Variants in RSC1A1 observed in about 807,000 individuals in gnomAD.
RSC1A1 encodes regulatory solute carrier protein family 1 member 1.
RSC1A1 carries 6 observed loss-of-function variants against 7.7 expected under a neutral mutation model. That is an observed-to-expected ratio of 0.78 (90% CI 0.43 to 1.53). RSC1A1 has a LOEUF of 1.53. Among genes scored for constraint, RSC1A1 ranks in the 40% most tolerant of loss-of-function variants. The pLI is 0.01. For missense variants in RSC1A1, 729 were observed against 726.3 expected (o/e 1.00, Z -0.04); for synonymous variants, 250 against 263.0 (o/e 0.95, Z 0.48).
chr1:15,661,880 C>G lies in RSC1A1; in HGVS notation c.*158C>G. 9.4e-7 allele frequency: 1 copy of G among 1,065,620 alleles called. No homozygotes were observed. Among genetic ancestry groups the G allele is most frequent in the East Asian group, 2.9e-5 (1 of 34,962 alleles). 66.0% of individuals were successfully genotyped at this position (1,065,620 alleles called of 1,614,324 possible). On this transcript the variant is annotated 3_prime_UTR_variant, in exon 1 of 1. Coordinates refer to ENST00000345034, the MANE Select transcript of RSC1A1 (RefSeq NM_006511.3). Reference sequence around the variant, plus strand: ...ATTTTTTTTAAAGATTTTTTTCGGCCAAAGTAATTTATGATCTTTTGTCTG... The same window carrying G: ...ATTTTTTTTAAAGATTTTTTTCGGCGAAAGTAATTTATGATCTTTTGTCTG...
In RSC1A1 at chr1:15,660,776, A is replaced by T. The variant is rs372153137; in HGVS notation, c.908A>T (p.Asp303Val). The T allele has an allele frequency of 6.2e-7, 1 of 1,613,820 alleles. No individual in the cohort carries two copies. Among genetic ancestry groups the T allele is most frequent in the African/African-American group, 1.3e-5 (1 of 74,898 alleles). Residue 303 changes from aspartate to valine, a missense_variant, in exon 1 of 1, where the codon GAT becomes GTT. Physicochemically the swap from Asp to Val is radical, Grantham distance 152. Transcript: ENST00000345034. Reference protein sequence around the residue: ...KCNPSSEILNDSISTQDLQPP... With the variant: ...KCNPSSEILNVSISTQDLQPP... ...AACCCTTCATCTGAAATTTTGAATG[A>T]TTCCATTTCCACTCAGGATTTACAG...
chr1:15,661,266 C>T lies in RSC1A1; in HGVS notation c.1398C>T (p.Ser466=). ...DKEGVPKSRE[S]INKNRSVTVT... Reference sequence around the variant, plus strand: ...AAGGTGTCCCCAAATCTAGGGAATCCATAAATAAGAACCGTTCTGTCACTG... The same window carrying T: ...AAGGTGTCCCCAAATCTAGGGAATCTATAAATAAGAACCGTTCTGTCACTG... The change falls in exon 1 of 1, where the codon TCC becomes TCT. Residue 466 remains serine (S), a synonymous_variant. Transcript: ENST00000345034. The T allele has an allele frequency of 6.2e-7, 1 of 1,614,158 alleles. No homozygotes were observed. Among genetic ancestry groups the T allele is most frequent in the Non-Finnish European group, 8.5e-7 (1 of 1,180,016 alleles).
chr1:15,661,536 T>C lies in RSC1A1; in HGVS notation c.1668T>C (p.Pro556=), dbSNP rs1570996134. The change falls in exon 1 of 1, where the codon CCT becomes CCC. Residue 556 remains proline, a synonymous_variant. Coordinates refer to ENST00000345034, the MANE Select transcript of RSC1A1 (RefSeq NM_006511.3). ...ASRPLLEYEP[P]TSHPSSSPAI... Reference sequence around the variant, plus strand: ...GGCCATTACTTGAATATGAACCACCTACCAGCCATCCATCATCAAGTCCTG... The same window carrying C: ...GGCCATTACTTGAATATGAACCACCCACCAGCCATCCATCATCAAGTCCTG... The C allele has an allele frequency of 6.2e-7, 1 of 1,614,178 alleles. No homozygotes were observed. The highest frequency in any genetic ancestry group is 1.7e-5 in the Admixed American group (1 of 60,022).
the RSC1A1 span, chr1:15,660,659 C>A: frequency 6.2e-7 from 1 of 1,614,188 alleles, no homozygotes; most frequent in Non-Finnish European, 8.5e-7. Context: ...TTGCTTAATT[C>A]AACAGGCAGG....
Position 15,660,126 on chromosome 1 carries a change from T to A in RSC1A1, c.258T>A (p.His86Gln). 1 of 1,614,224 alleles carries A rather than the reference T, an allele frequency of 6.2e-7. No homozygotes were observed. Among genetic ancestry groups the A allele is most frequent in the South Asian group, 1.1e-5 (1 of 91,086 alleles). The change falls in exon 1 of 1, where the codon CAT (histidine) becomes CAA (glutamine). Residue 86 changes from histidine (H) to glutamine (Q), a missense_variant. Coordinates refer to ENST00000345034, the MANE Select transcript of RSC1A1 (RefSeq NM_006511.3). Reference protein sequence around the residue: ...DLSDHASSADHAPTDQSPAMP... With the variant: ...DLSDHASSADQAPTDQSPAMP... ...CTGATCATGCTTCCTCAGCAGACCA[T>A]GCTCCAACAGACCAGAGTCCAGCTA...
chr1:15,659,907 C>T lies in RSC1A1; in HGVS notation c.39C>T (p.Pro13=), dbSNP rs140251091. The change falls in exon 1 of 1, where the codon CCC becomes CCT. Residue 13 remains proline (P), a synonymous_variant. Transcript: ENST00000345034. ...SLPTSDGFNH[P]ARSSGQSPDV... is the part of the protein sequence containing the mutation. ...CAACTTCAGATGGGTTTAACCATCC[C>T]GCCCGTTCTTCAGGACAGAGTCCTG... 1.5e-5 allele frequency: 24 copies of T among 1,604,268 alleles called. No homozygotes were observed. Among genetic ancestry groups the T allele is most frequent in the South Asian group, 2.2e-5 (2 of 89,076 alleles).
chr1:15,660,223 C>T, the RSC1A1 span: 1 of 1,614,150 alleles, frequency 6.2e-7, no homozygotes, highest in Non-Finnish European at 8.5e-7. Flanking sequence ...AAGAAGCACC[C>T]AGGGCCTCAA....
Position 15,660,890 on chromosome 1 carries a change from C to T in RSC1A1, c.1022C>T (p.Ser341Phe), listed in dbSNP as rs780469308. Residue 341 changes from serine to phenylalanine, a missense_variant, in exon 1 of 1, where the codon TCT (serine) becomes TTT (phenylalanine). Transcript: ENST00000345034. The stretch of plus-strand genomic sequence containing the variant: ...AGTCTCTGTGGCAGTTGTCAGCCTT[C>T]TGTGGAGTCAGCAGAAGAATCTTGC... ...SPSLCGSCQP[S>F]VESAEESCPS... 1 of 1,614,104 alleles carries T rather than the reference C, an allele frequency of 6.2e-7. No individual in the cohort carries two copies. Among genetic ancestry groups the T allele is most frequent in the South Asian group, 1.1e-5 (1 of 91,062 alleles).
rs1469387123 is a variant in RSC1A1, at chr1:15,659,814, C to T, written c.-55C>T. On this transcript the variant is annotated 5_prime_UTR_variant, in exon 1 of 1. Transcript: ENST00000345034. ...TAGTCACCTGCTAATTAATCTTTTT[C>T]CTTTCCCCTGTGTTCCATATAGAGA... 6 of 1,486,232 alleles carry T rather than the reference C, an allele frequency of 4.0e-6. No individual in the cohort carries two copies. In the Admixed American group the frequency reaches 1.2e-4, roughly 31 times the overall value. The allele number at this position is 1,486,232 out of a possible 1,614,324, so 92.1% of individuals were successfully genotyped here. A position where few individuals can be genotyped will look rare whatever the true frequency, so the allele number is the denominator to read the frequency against.
At position 15,661,690 on chromosome 1, in the gene RSC1A1, T is replaced by C; in HGVS notation, c.1822T>C (p.Leu608=). ...GGNADLALLV[L]LAKNIVVPT ...GAATGCAGACCTTGCACTTCTTGTT[T>C]TGCTCGCAAAAAACATCGTAGTTCC... Residue 608 remains leucine (L), a synonymous_variant, in exon 1 of 1, where the codon TTG becomes CTG. Transcript: ENST00000345034. The C allele has an allele frequency of 6.2e-7, 1 of 1,611,500 alleles. No individual in the cohort carries two copies. Among genetic ancestry groups the C allele is most frequent in the Non-Finnish European group, 8.5e-7 (1 of 1,178,716 alleles).
chr1:15,661,531 C>G lies in RSC1A1; in HGVS notation c.1663C>G (p.Pro555Ala). The G allele has an allele frequency of 1.2e-6, 2 of 1,614,108 alleles. No homozygotes were observed. The highest frequency in any genetic ancestry group is 1.7e-6 in the Non-Finnish European group (2 of 1,180,018). ...TTCGAGGCCATTACTTGAATATGAA[C>G]CACCTACCAGCCATCCATCATCAAG... The part of the protein sequence containing the change: ...DASRPLLEYE[P>A]PTSHPSSSPA... Residue 555 changes from proline (P) to alanine (A), a missense_variant, in exon 1 of 1, where the codon CCA becomes GCA. Coordinates refer to ENST00000345034, the MANE Select transcript of RSC1A1 (RefSeq NM_006511.3).
chr1:15,660,279 T>C lies in RSC1A1; in HGVS notation c.411T>C (p.Ser137=). 6.2e-7 allele frequency: 1 copy of C among 1,614,200 alleles called. No individual in the cohort carries two copies. Among genetic ancestry groups the C allele is most frequent in the Non-Finnish European group, 8.5e-7 (1 of 1,180,030 alleles). The change falls in exon 1 of 1, where the codon TCT becomes TCC. Residue 137 remains serine (S), a synonymous_variant. Coordinates refer to ENST00000345034, the MANE Select transcript of RSC1A1 (RefSeq NM_006511.3). ...TRQEASLSVT[S]TRMHEPQMFL... ...AGGAAGCTAGTTTATCTGTCACATC[T>C]ACTAGGATGCATGAACCACAGATGT...
rs549030185 is a variant in RSC1A1, at chr1:15,661,775, T to G, written c.*53T>G. 3 of 1,535,830 alleles carry G rather than the reference T, an allele frequency of 2.0e-6. No individual in the cohort carries two copies. The highest frequency in any genetic ancestry group is 2.3e-5 in the East Asian group (1 of 44,086). ...CCATTCCCTTTAAACAAAAGAAAGCTCTCTCTATATACACGCACACATACA... is the reference window on the plus strand; with the variant it reads ...CCATTCCCTTTAAACAAAAGAAAGCGCTCTCTATATACACGCACACATACA... On this transcript the variant is annotated 3_prime_UTR_variant, in exon 1 of 1. Coordinates refer to ENST00000345034, the MANE Select transcript of RSC1A1 (RefSeq NM_006511.3).
chr1:15,660,405 A>G lies in RSC1A1; in HGVS notation c.537A>G (p.Ala179=). The G allele has an allele frequency of 6.2e-7, 1 of 1,614,004 alleles. No individual in the cohort carries two copies. The highest frequency in any genetic ancestry group is 8.5e-7 in the Non-Finnish European group (1 of 1,180,000). The change falls in exon 1 of 1, where the codon GCA becomes GCG. Residue 179 remains alanine (A), a synonymous_variant. Coordinates refer to ENST00000345034, the MANE Select transcript of RSC1A1 (RefSeq NM_006511.3). ...CAGGGAATGAACAGTATGAGGTTGC[A>G]CAACAAAAAGCTTCACATGACCAAG... The part of the protein sequence containing the change: ...EEPGNEQYEV[A]QQKASHDQEY...
At position 15,661,470 on chromosome 1, in the gene RSC1A1, C is replaced by G. The variant is rs762096525; in HGVS notation, c.1602C>G (p.Asp534Glu). Residue 534 changes from aspartate (D) to glutamate (E), a missense_variant, in exon 1 of 1, where the codon GAC becomes GAG. Asp to Glu is a conservative substitution (Grantham distance 45, BLOSUM62 2). Coordinates refer to ENST00000345034, the MANE Select transcript of RSC1A1 (RefSeq NM_006511.3). ...AGGGCATACAGAATTCAGTAACAGACAGGCCTGAAACCAGAGAAAATGTCT... is the reference window on the plus strand; with the variant it reads ...AGGGCATACAGAATTCAGTAACAGAGAGGCCTGAAACCAGAGAAAATGTCT... ...LGQGIQNSVT[D>E]RPETRENVCP... is the part of the protein sequence containing the mutation. 2 of 1,613,754 alleles carry G rather than the reference C, an allele frequency of 1.2e-6. No individual in the cohort carries two copies. The highest frequency in any genetic ancestry group is 4.5e-5 in the East Asian group (2 of 44,898).
In RSC1A1 at chr1:15,660,093, A is replaced by G. The variant is rs781147561; in HGVS notation, c.225A>G (p.Gln75=). ...NSEKKEHLSL[Q]DLSDHASSAD... ...AAAAGAAAGAACATCTTTCTTTACA[A>G]GATCTTTCTGATCATGCTTCCTCAG... The change falls in exon 1 of 1, where the codon CAA becomes CAG. Residue 75 remains glutamine (Q), a synonymous_variant. Transcript: ENST00000345034. 2 of 1,614,096 alleles carry G rather than the reference A, an allele frequency of 1.2e-6. No homozygotes were observed. The highest frequency in any genetic ancestry group is 8.5e-7 in the Non-Finnish European group (1 of 1,180,006).
At position 15,659,836 on chromosome 1, in the gene RSC1A1, G is replaced by C; in HGVS notation, c.-33G>C. 1.3e-6 allele frequency: 2 copies of C among 1,526,394 alleles called. No homozygotes were observed. Among genetic ancestry groups the C allele is most frequent in the Non-Finnish European group, 1.7e-6 (2 of 1,143,850 alleles). 94.6% of individuals were successfully genotyped at this position (1,526,394 alleles called of 1,614,324 possible). On this transcript the variant is annotated 5_prime_UTR_variant, in exon 1 of 1. Coordinates refer to ENST00000345034, the MANE Select transcript of RSC1A1 (RefSeq NM_006511.3). ...TTTCCTTTCCCCTGTGTTCCATATA[G>C]AGAAAAGTGGTAAAGAATCTACCTC... is the stretch of plus-strand genomic sequence containing the variant.
chr1:15,660,133 A>G lies in RSC1A1; in HGVS notation c.265A>G (p.Thr89Ala), dbSNP rs761444698. Residue 89 changes from threonine to alanine, a missense_variant, in exon 1 of 1, where the codon ACA becomes GCA. Coordinates refer to ENST00000345034, the MANE Select transcript of RSC1A1 (RefSeq NM_006511.3). ...TGCTTCCTCAGCAGACCATGCTCCA[A>G]CAGACCAGAGTCCAGCTATGCCTAT... ...DHASSADHAP[T>A]DQSPAMPMQN... 4 of 1,614,092 alleles carry G rather than the reference A, an allele frequency of 2.5e-6. No homozygotes were observed. Among genetic ancestry groups the G allele is most frequent in the African/African-American group, 1.3e-5 (1 of 74,938 alleles).
rs749159642 is a variant in RSC1A1 at position 15,661,402 on chromosome 1, A to C, written c.1534A>C (p.Lys512Gln). 6.1e-5 allele frequency: 98 copies of C among 1,614,104 alleles called. No homozygotes were observed. Among genetic ancestry groups the C allele is most frequent in the Non-Finnish European group, 7.5e-5 (88 of 1,180,048 alleles). Residue 512 changes from lysine (K) to glutamine (Q), a missense_variant, in exon 1 of 1, where the codon AAG becomes CAG. Transcript: ENST00000345034. ...ACTCAATCAGACTTCTGAGCAAACT[A>C]AGTCTTTGTCATCCAATTTCATATT... ...DALNQTSEQTKSLSSNFILVK... is the reference protein window; with the variant it reads ...DALNQTSEQTQSLSSNFILVK...
Sources: gnomAD v4.1 joint callset for allele counts on GRCh38, gnomAD v4.1.1 for gene constraint, MANE v1.5 for transcripts, NCBI Gene and HGNC (gene_info 2026-07-23, HGNC 2026-07-21) for gene names.